Variants in ITCH observed in about 807,000 individuals in gnomAD.
ITCH encodes itchy E3 ubiquitin protein ligase, also known as E3 ubiquitin-protein ligase Itchy homolog.
A neutral mutation model predicts 126.8 loss-of-function variants in ITCH; 28 were observed. That is an observed-to-expected ratio of 0.22 (90% CI 0.16 to 0.30). The LOEUF is 0.30. Among genes scored for constraint, ITCH ranks in the 10% least tolerant of loss-of-function variants. The pLI, the probability that ITCH is intolerant of heterozygous loss-of-function variation, is 1.00. For missense variants in ITCH, 631 were observed against 1,032.4 expected (o/e 0.61, Z 5.33); for synonymous variants, 342 against 340.0 (o/e 1.01, Z -0.06).
chr20:34,454,478 T>A (rs1284716503), intron 12 of ITCH: 1 of 152,206 alleles, frequency 6.6e-6, no homozygotes, highest in Non-Finnish European at 1.5e-5. Flanking sequence ...GGTGATAAGC[T>A]TATGCACTGA....
intron 7 of ITCH, among the ~76,000 whole-genome samples, chr20:34,433,688 GA>G (rs1014447883): frequency 6.1e-5 from 9 of 148,424 alleles, no homozygotes; most frequent in African/African-American, 2.2e-4. Flanking sequence ...AAAGACCAAT[GA>G]AAAGAAAGCG....
intron 2 of ITCH, among the ~76,000 whole-genome samples, chr20:34,376,441 G>A (rs945674): frequency 2.7e-5 from 4 of 150,928 alleles, no homozygotes; most frequent in Non-Finnish European, 5.9e-5. Context: ...GAGTGTGACC[G>A]TGTCTCAAAA....
intron 24 of ITCH, 145 bp from the exon 25 acceptor site, chr20:34,507,550 G>A (rs1990717933): frequency 1.5e-6 from 1 of 648,150 alleles, no homozygotes; most frequent in African/African-American, 1.8e-5. Flanking sequence ...CCCATTTTTG[G>A]GTTATTTCAC....
chr20:34,393,123 C>T (rs957836215), intron 2 of ITCH, among the ~76,000 whole-genome samples: 1 of 152,128 alleles, frequency 6.6e-6, no homozygotes, highest in Non-Finnish European at 1.5e-5. Context: ...AATTTATCTG[C>T]CTGCGTTTTG....
chr20:34,401,289 T>C (rs1218180502), intron 3 of ITCH, among the ~76,000 whole-genome samples: 4 of 152,148 alleles, frequency 2.6e-5, no homozygotes, highest in African/African-American at 9.6e-5. Context: ...CTTTTTTTCT[T>C]TTTTTTGACC....
rs192421852 is a variant in ITCH, at chr20:34,417,514, C to T, written c.475+3635C>T. Reference sequence around the variant, plus strand: ...TCCCGGGTTCAAGCAGTTCTCCTTCCTCAGCCTCCCGAGTAGCTGGGATGA... The same window carrying T: ...TCCCGGGTTCAAGCAGTTCTCCTTCTTCAGCCTCCCGAGTAGCTGGGATGA... On this transcript the variant is annotated intron_variant, in intron 6 of 24. Transcript: ENST00000374864. Among the ~76,000 whole-genome samples, 283 of 151,906 alleles carry T rather than the reference C, an allele frequency of 1.9e-3. 1 individual carries two copies. The highest frequency in any genetic ancestry group is 6.6e-3 in the African/African-American group (272 of 41,428).
rs1277133160 is a variant in ITCH at position 34,509,720 on chromosome 20, T to G, written c.*1926T>G. 6.6e-6 allele frequency: 1 copy of G among 152,630 alleles called. No individual in the cohort carries two copies. Among genetic ancestry groups the G allele is most frequent in the East Asian group, 1.9e-4 (1 of 5,196 alleles). 9.5% of individuals were successfully genotyped at this position (152,630 alleles called of 1,614,324 possible). On this transcript the variant is annotated 3_prime_UTR_variant, in exon 25 of 25. Transcript: ENST00000374864. ...GGTAGGGAGAAAAAACGCTATTGCT[T>G]TGTCTTACAGAGCGAATGTCTGCCA...
At chr20:34,453,132 G>A (rs531863013) in intron 12 of ITCH, among the ~76,000 whole-genome samples, 21 of 152,298 alleles carry the variant, frequency 1.4e-4, no homozygotes, top group Middle Eastern at 3.4e-3. Context: ...TCAGAAATCC[G>A]TTCTACAGCC....
chr20:34,417,954 AT>A (rs1165042649), intron 6 of ITCH, among the ~76,000 whole-genome samples: 2 of 147,866 alleles, frequency 1.4e-5, no homozygotes, highest in Non-Finnish European at 3.0e-5. Flanking sequence ...AGAAAAATGC[AT>A]TTTACTTTCA....
intron 3 of ITCH, chr20:34,402,259 C>T (rs573028439): frequency 9.2e-5 from 116 of 1,259,806 alleles, no homozygotes; most frequent in Non-Finnish European, 1.2e-4. Context: ...GAACACTCCA[C>T]GTACTTGACA....
chr20:34,386,295 G>T (rs1460397203), intron 2 of ITCH, among the ~76,000 whole-genome samples: 1 of 152,016 alleles, frequency 6.6e-6, no homozygotes, highest in Admixed American at 6.6e-5. Context: ...CAGAGAATGG[G>T]ATCTAAAAAT....
At chr20:34,412,725 T>A (rs1392313247) in intron 5 of ITCH, 86 bp downstream of exon 5, 5 of 1,119,572 alleles carry the variant, frequency 4.5e-6, no homozygotes, top group Non-Finnish European at 6.7e-6. Flanking sequence ...TAATGACTCA[T>A]GTTCTCTCAT....
Position 34,509,537 on chromosome 20 carries a change from T to TA in ITCH, c.*1744dup. The stretch of plus-strand genomic sequence containing the variant: ...ATACTGCCATCATAAAGCAGAGACT[T>TA]ACATGAGTGAAAGGGTTGCCTCATC... On this transcript the variant is annotated 3_prime_UTR_variant, in exon 25 of 25. Coordinates refer to ENST00000374864, the MANE Select transcript of ITCH (RefSeq NM_031483.7). The TA allele has an allele frequency of 6.5e-6, 1 of 152,768 alleles. No individual in the cohort carries two copies. Among genetic ancestry groups the TA allele is most frequent in the East Asian group, 1.9e-4 (1 of 5,192 alleles). The allele number at this position is 152,768 out of a possible 1,614,324, so 9.5% of individuals were successfully genotyped here.
At chr20:34,419,842 C>G (rs938945503) in intron 6 of ITCH, among the ~76,000 whole-genome samples, 3 of 151,972 alleles carry the variant, frequency 2.0e-5, no homozygotes, top group Admixed American at 6.6e-5. Context: ...AGGCCATTCA[C>G]TTTTACTGCT....
chr20:34,415,417 T>A (rs992294808), intron 6 of ITCH, among the ~76,000 whole-genome samples: 4 of 151,668 alleles, frequency 2.6e-5, no homozygotes, highest in African/African-American at 9.7e-5. Context: ...AAATTTGCCA[T>A]GTGTGTGGCA....
chr20:34,437,059 G>A (rs1983097513), intron 7 of ITCH, among the ~76,000 whole-genome samples: 1 of 150,962 alleles, frequency 6.6e-6, no homozygotes, highest in African/African-American at 2.4e-5. Context: ...AACCTGGTAG[G>A]TGAAGGTTGC....
At chr20:34,401,726 A>G in intron 3 of ITCH, 2 of 724,198 alleles carry the variant, frequency 2.8e-6, no homozygotes, top group Non-Finnish European at 3.4e-6. Context: ...AAAAAAAAAA[A>G]AGACTGAAAA....
In ITCH at chr20:34,445,356, G is replaced by T. The variant is rs1568949531; in HGVS notation, c.1035G>T (p.Trp345Cys). Residue 345 changes from tryptophan (W) to cysteine (C), a missense_variant, in exon 11 of 25, where the codon TGG becomes TGT. Coordinates refer to ENST00000374864, the MANE Select transcript of ITCH (RefSeq NM_031483.7). ...ACCATTTCACAAGAACAACAACGTG[G>T]CAGAGGCCAACACTGGAATCCGTCC... is the stretch of plus-strand genomic sequence containing the variant. ...YVDHFTRTTT[W>C]QRPTLESVRN... The T allele has an allele frequency of 6.2e-7, 1 of 1,613,928 alleles. No individual in the cohort carries two copies. Among genetic ancestry groups the T allele is most frequent in the Non-Finnish European group, 8.5e-7 (1 of 1,179,996 alleles).
intron 2 of ITCH, among the ~76,000 whole-genome samples, chr20:34,377,398 T>A (rs996465440): frequency 5.9e-5 from 9 of 151,534 alleles, no homozygotes; most frequent in Non-Finnish European, 1.2e-4. Context: ...ACCAAAGTAG[T>A]GTAATTGCTC....
Sources: gnomAD v4.1 joint callset for allele counts (sites outside exome capture counted in the v4.1 genomes callset) on GRCh38, gnomAD v4.1.1 for gene constraint, MANE v1.5 for transcripts, NCBI Gene and HGNC (gene_info 2026-07-23, HGNC 2026-07-21) for gene names.